PDE9A: variants seen among roughly 807,000 people sequenced by gnomAD.
PDE9A encodes high affinity cGMP-specific 3',5'-cyclic phosphodiesterase 9A.
A neutral mutation model predicts 87.4 loss-of-function variants in PDE9A; 60 were observed. That is an observed-to-expected ratio of 0.69 (90% confidence interval 0.56 to 0.85). The LOEUF (loss-of-function observed/expected upper bound fraction) is 0.85, where lower values mean the gene tolerates loss of function less well. Among genes scored for constraint, PDE9A ranks in the 40% least tolerant of loss-of-function variants. The probability of loss-of-function intolerance (pLI) is 0.00; values close to 1 mark genes in which losing one functional copy is unlikely to be tolerated. For synonymous variants in PDE9A, 272 were observed against 279.4 expected, an observed-to-expected ratio of 0.97 and a Z score of 0.27; for missense variants, 665 against 779.0, an observed-to-expected ratio of 0.85 and a Z score of 1.74.
intron 14 of PDE9A, among the ~76,000 whole-genome samples, chr21:42,762,722 T>C (rs557555019): frequency 6.6e-6 from 1 of 152,190 alleles, no homozygotes; most frequent in East Asian, 1.9e-4. Flanking sequence ...AGACAGAGTC[T>C]CGCTCTGTTG....
rs560271713 is a variant in PDE9A, at chr21:42,678,810, G to T, written c.70-7382G>T. Among the ~76,000 whole-genome samples the T allele has an allele frequency of 2.0e-5, 3 of 152,330 alleles. No homozygotes were observed. The South Asian group carries it at 6.2e-4, about 32-fold the overall frequency. ...AGCAGACAGGACCGTCTGTGGGACG[G>T]GGACAGGCAAGCATGACAGCAGGTA... On this transcript the variant is annotated intron_variant, in intron 1 of 19. Transcript: ENST00000291539.
intron 4 of PDE9A, among the ~76,000 whole-genome samples, chr21:42,708,265 C>T (rs182317051): frequency 1.3e-5 from 2 of 152,110 alleles, no homozygotes; most frequent in Non-Finnish European, 2.9e-5. Flanking sequence ...GCCTAGCCAA[C>T]AAAGACAGCA....
In PDE9A at chr21:42,713,713, T is replaced by C. The variant is rs202051245; in HGVS notation, c.262+14702T>C. ...GTGTCTTTTTAATAGTTAATAACAATGTATTTTATTCTTGAAAATCACTGA... is the reference window on the plus strand; with the variant it reads ...GTGTCTTTTTAATAGTTAATAACAACGTATTTTATTCTTGAAAATCACTGA... On this transcript the variant is annotated intron_variant, in intron 4 of 19. Coordinates refer to ENST00000291539, the MANE Select transcript of PDE9A (RefSeq NM_002606.3). Among the ~76,000 whole-genome samples, 6 of 152,326 alleles carry C rather than the reference T, an allele frequency of 3.9e-5. No homozygotes were observed. The East Asian group carries it at 7.7e-4, about 20-fold the overall frequency.
intron 1 of PDE9A, among the ~76,000 whole-genome samples, chr21:42,678,755 C>T (rs2058991849): frequency 6.6e-6 from 1 of 152,238 alleles, no homozygotes; most frequent in South Asian, 2.1e-4. Flanking sequence ...AGCATTCTTC[C>T]GGCGGCCACC....
In PDE9A at chr21:42,670,878, C is replaced by T. The variant is rs140924080; in HGVS notation, c.70-15314C>T. ...TAGCACAGCCCACACCCTGCATTTG[C>T]TTGGTGTCTCCTGAGGTCTCTAGTT... On this transcript the variant is annotated intron_variant, in intron 1 of 19. Coordinates refer to ENST00000291539, the MANE Select transcript of PDE9A (RefSeq NM_002606.3). 6.2e-4 allele frequency among the ~76,000 whole-genome samples: 95 copies of T among 152,234 alleles called. 1 individual carries two copies. Among genetic ancestry groups the T allele is most frequent in the African/African-American group, 2.0e-3 (83 of 41,564 alleles).
intron 14 of PDE9A, among the ~76,000 whole-genome samples, chr21:42,764,521 C>T (rs779248119): frequency 6.6e-6 from 1 of 152,190 alleles, no homozygotes; most frequent in African/African-American, 2.4e-5. Flanking sequence ...TAGTGTAGGC[C>T]TCGTCCCACT....
chr21:42,770,392 G>A (rs538046740), intron 17 of PDE9A, among the ~76,000 whole-genome samples: 91 of 152,262 alleles, frequency 6.0e-4, no homozygotes, highest in African/African-American at 2.1e-3. Flanking sequence ...ACCCTCAGCC[G>A]GGAGGCTGTC....
intron 4 of PDE9A, among the ~76,000 whole-genome samples, chr21:42,729,573 G>A (rs2051507814): frequency 6.6e-6 from 1 of 151,972 alleles, no homozygotes; most frequent in Admixed American, 6.6e-5. Context: ...TTTCCTGGGT[G>A]CTCATGGTGG....
intron 10 of PDE9A, 151 bp from the exon 11 acceptor site, chr21:42,758,848 C>T: frequency 1.7e-6 from 1 of 604,056 alleles, no homozygotes; most frequent in Non-Finnish European, 3.0e-6. Flanking sequence ...GCCGACCAGG[C>T]TTTGCTCTCC....
chr21:42,761,599 C>T (rs929247179), intron 13 of PDE9A, among the ~76,000 whole-genome samples: 21 of 152,308 alleles, frequency 1.4e-4, no homozygotes, highest in Middle Eastern at 6.8e-3. Flanking sequence ...TGTGTCAGCG[C>T]CTAGTGGGTT....
intron 4 of PDE9A, among the ~76,000 whole-genome samples, chr21:42,726,624 A>ATATATTTTTTT: frequency 5.1e-4 from 10 of 19,776 alleles, no homozygotes; most frequent in South Asian, 4.1e-3. Context: ...ATATATATAT[A>ATATATTTTTTT]TTTTTTTTTT....
chr21:42,754,549 TG>T (rs2054819168), intron 10 of PDE9A, among the ~76,000 whole-genome samples: 1 of 152,236 alleles, frequency 6.6e-6, no homozygotes, highest in African/African-American at 2.4e-5. Context: ...CCGGGAACTG[TG>T]TCACCTTCTG....
intron 4 of PDE9A, among the ~76,000 whole-genome samples, chr21:42,711,260 T>TG (rs1187158547): frequency 7.1e-6 from 1 of 140,956 alleles, no homozygotes; most frequent in Non-Finnish European, 1.5e-5. Context: ...TAAGTTTTGT[T>TG]TTTTTTTTTT....
At chr21:42,754,405 G>A (rs1306151840) in intron 10 of PDE9A, among the ~76,000 whole-genome samples, 2 of 152,156 alleles carry the variant, frequency 1.3e-5, no homozygotes, top group African/African-American at 4.8e-5. Context: ...GCCCCGTGCT[G>A]CAGAACACCC....
rs535127674 is a variant in PDE9A at position 42,653,790 on chromosome 21, T to C, written c.-25T>C. 1.3e-6 allele frequency: 2 copies of C among 1,485,178 alleles called. No individual in the cohort carries two copies. Among genetic ancestry groups the C allele is most frequent in the South Asian group, 2.5e-5 (2 of 80,950 alleles). 92.0% of individuals were successfully genotyped at this position (1,485,178 alleles called of 1,614,324 possible). ...GGCGTCGGGAAAGTACAGTAAAAAGTCCGAGTGCAGCCGCCGGGCGCAGGA... is the reference window on the plus strand; with the variant it reads ...GGCGTCGGGAAAGTACAGTAAAAAGCCCGAGTGCAGCCGCCGGGCGCAGGA... On this transcript the variant is annotated 5_prime_UTR_variant, in exon 1 of 20. Transcript: ENST00000291539.
chr21:42,704,926 A>C lies in PDE9A; in HGVS notation c.262+5915A>C, dbSNP rs993375508. ...CCAGGGTTTTGCTGTTTTGCTACTT[A>C]AATATTCAGGAAATAGTAAAGAGAA... On this transcript the variant is annotated intron_variant, in intron 4 of 19. Coordinates refer to ENST00000291539, the MANE Select transcript of PDE9A (RefSeq NM_002606.3). The surrounding 1 kb of genome is among the most constrained non-coding windows in gnomAD (Gnocchi z 5.3). Among the ~76,000 whole-genome samples, 5 of 152,238 alleles carry C rather than the reference A, an allele frequency of 3.3e-5. No homozygotes were observed. The highest frequency in any genetic ancestry group is 7.3e-5 in the Non-Finnish European group (5 of 68,040).
At chr21:42,685,768 TTTTTTTC>T (rs1373505119) in intron 1 of PDE9A, among the ~76,000 whole-genome samples, 2 of 152,116 alleles carry the variant, frequency 1.3e-5, no homozygotes, top group East Asian at 1.9e-4. Context: ...GCGCCCGGCC[TTTTTTTC>T]TTTTTTCTTT....
intron 1 of PDE9A, among the ~76,000 whole-genome samples, chr21:42,670,279 TCACACATACACATTCA>T (rs1392175593): frequency 7.8e-5 from 11 of 141,556 alleles, no homozygotes; most frequent in African/African-American, 2.9e-4. Flanking sequence ...ATTCACACAT[TCACACATACACATTCA>T]CACACATACA....
intron 16 of PDE9A, 41 bp downstream of exon 16, chr21:42,768,333 A>G: frequency 1.6e-6 from 2 of 1,272,056 alleles, no homozygotes; most frequent in Middle Eastern, 1.9e-4. Flanking sequence ...AGCCACTCTT[A>G]TTAGCCCCAC....
Sources: gnomAD v4.1 joint callset for allele counts (sites outside exome capture counted in the v4.1 genomes callset) on GRCh38, gnomAD v4.1.1 for gene constraint, Gnocchi (gnomAD v3.1) non-coding constraint, MANE v1.5 for transcripts, NCBI Gene and HGNC (gene_info 2026-07-23, HGNC 2026-07-21) for gene names.